Variants in RARS2 observed in about 807,000 individuals in gnomAD.
The protein encoded by RARS2 is probable arginine--tRNA ligase, mitochondrial.
In RARS2, 67 loss-of-function variants were observed where a neutral mutation model predicts 88.5. The ratio of observed to expected loss-of-function variants is 0.76; its 90% confidence interval spans 0.62 to 0.93. The LOEUF (loss-of-function observed/expected upper bound fraction) is 0.93. Among genes scored for constraint, RARS2 ranks in the 40% least tolerant of loss-of-function variants. RARS2 has a pLI of 0.00. For synonymous variants in RARS2, 239 were observed against 230.3 expected (o/e 1.04, Z -0.34); for missense variants, 664 against 684.2 (o/e 0.97, Z 0.33).
intron 12 of RARS2, 57 bp downstream of exon 12, chr6:87,521,407 C>G: frequency 5.9e-6 from 8 of 1,345,812 alleles, no homozygotes; most frequent in Non-Finnish European, 7.4e-6. Flanking sequence ...CATCCAATTT[C>G]TACCTCTGTA....
chr6:87,577,048 C>A (rs969225200), intron 1 of RARS2, among the ~76,000 whole-genome samples: 1 of 152,140 alleles, frequency 6.6e-6, no homozygotes, highest in Non-Finnish European at 1.5e-5. Context: ...AATTAATTGA[C>A]AACACAGGAA....
intron 1 of RARS2, among the ~76,000 whole-genome samples, chr6:87,588,251 G>A (rs1775754772): frequency 6.6e-6 from 1 of 152,136 alleles, no homozygotes; most frequent in African/African-American, 2.4e-5. Flanking sequence ...ACATTAACAT[G>A]AATTTATTAT....
intron 8 of RARS2, 101 bp downstream of exon 8, chr6:87,541,817 C>T: frequency 1.1e-6 from 1 of 903,868 alleles, no homozygotes; most frequent in South Asian, 1.4e-5. Flanking sequence ...GAGCGAGACC[C>T]TGTCTCAAAA....
At chr6:87,549,326 A>C (rs190006654) in intron 5 of RARS2, among the ~76,000 whole-genome samples, 2 of 152,006 alleles carry the variant, frequency 1.3e-5, no homozygotes, top group Non-Finnish European at 2.9e-5. Context: ...ATTGTACTCT[A>C]GTCTGGGTGA....
chr6:87,552,822 T>C (rs1253781589), intron 5 of RARS2, among the ~76,000 whole-genome samples: 1 of 152,180 alleles, frequency 6.6e-6, no homozygotes, highest in Non-Finnish European at 1.5e-5. Flanking sequence ...AACTTTATAA[T>C]GGCATTATTT....
At chr6:87,584,158 G>T (rs955396967) in intron 1 of RARS2, among the ~76,000 whole-genome samples, 1 of 152,190 alleles carries the variant, frequency 6.6e-6, no homozygotes, top group Non-Finnish European at 1.5e-5. Flanking sequence ...CTGTAACACA[G>T]TACACAGCTT....
intron 2 of RARS2, among the ~76,000 whole-genome samples, chr6:87,568,301 C>T (rs895639587): frequency 3.3e-5 from 5 of 152,138 alleles, no homozygotes; most frequent in African/African-American, 1.2e-4. Context: ...AGTTCAAGAC[C>T]ACCCTGGGCA....
chr6:87,540,741 G>T (rs1478925052), intron 8 of RARS2, among the ~76,000 whole-genome samples: 1 of 152,158 alleles, frequency 6.6e-6, no homozygotes, highest in East Asian at 1.9e-4. Flanking sequence ...CACATCCCTG[G>T]AGATTGTTTG....
chr6:87,514,634 G>C, intron 19 of RARS2, 135 bp from the exon 20 acceptor site: 2 of 797,068 alleles, frequency 2.5e-6, no homozygotes, highest in Non-Finnish European at 4.3e-6. Context: ...AGTTACTATA[G>C]GCAAGAGAAG....
At chr6:87,559,396 G>A (rs2128159063) in intron 4 of RARS2, among the ~76,000 whole-genome samples, 1 of 151,128 alleles carries the variant, frequency 6.6e-6, no homozygotes, top group African/African-American at 2.4e-5. Context: ...GAACCTGGGG[G>A]GCGGAGGTGG....
rs192807274 is a variant in RARS2 at position 87,557,317 on chromosome 6, T to C, written c.298-1812A>G. 2.7e-3 allele frequency among the ~76,000 whole-genome samples: 412 copies of C among 152,320 alleles called. 2 individuals carry two copies. Among genetic ancestry groups the C allele is most frequent in the Non-Finnish European group, 3.5e-3 (235 of 68,024 alleles). On this transcript the variant is annotated intron_variant, in intron 4 of 19. Transcript: ENST00000369536. The stretch of plus-strand genomic sequence containing the variant: ...TACAATATATAGACAGTATACAGAA[T>C]AGTGTCTGTCGTAAACTAGGGTCCC...
intron 6 of RARS2, among the ~76,000 whole-genome samples, chr6:87,547,877 T>C (rs1174636205): frequency 6.6e-6 from 1 of 152,076 alleles, no homozygotes; most frequent in East Asian, 1.9e-4. Flanking sequence ...TGACCTTAAA[T>C]GATCTGCCTG....
intron 8 of RARS2, among the ~76,000 whole-genome samples, chr6:87,540,412 TGCACTTCA>T: frequency 1.5e-5 from 2 of 134,038 alleles, no homozygotes; most frequent in Middle Eastern, 8.8e-3. Flanking sequence ...ATCACACCAT[TGCACTTCA>T]GCCTAGGCAA....
In RARS2 at chr6:87,518,908, C is replaced by T. The variant is rs749385331; in HGVS notation, c.1238-17G>A. 6.2e-7 allele frequency: 1 copy of T among 1,612,802 alleles called. No individual in the cohort carries two copies. On this transcript the variant is annotated splice_polypyrimidine_tract_variant and intron_variant, in intron 14 of 19. Transcript: ENST00000369536. ...CTTTAGTTGCTGAAACAGACAAAGG[C>T]AGCTATCTTTAGTCTACATGACACT... is the stretch of plus-strand genomic sequence containing the variant.
chr6:87,555,267 T>C, intron 5 of RARS2, 141 bp downstream of exon 5: 1 of 635,102 alleles, frequency 1.6e-6, no homozygotes, highest in East Asian at 2.8e-5. Flanking sequence ...TGATTCACTG[T>C]GATTTCAAGA....
chr6:87,576,527 C>T (rs528977925), intron 1 of RARS2, among the ~76,000 whole-genome samples: 13 of 148,008 alleles, frequency 8.8e-5, no homozygotes, highest in Non-Finnish European at 1.8e-4. Context: ...CCGCCCGCCT[C>T]GGCCTCCCAA....
intron 1 of RARS2, among the ~76,000 whole-genome samples, chr6:87,585,308 C>T (rs987826937): frequency 3.3e-5 from 5 of 152,262 alleles, no homozygotes; most frequent in Non-Finnish European, 7.4e-5. Context: ...CTTCATGAAG[C>T]TTATAGAGGA....
intron 2 of RARS2, among the ~76,000 whole-genome samples, chr6:87,564,833 G>A (rs1472694497): frequency 1.3e-5 from 2 of 151,882 alleles, no homozygotes; most frequent in African/African-American, 4.8e-5. Context: ...CGAGGCAAGT[G>A]GACCACTTAA....
chr6:87,568,440 C>T (rs1218978128), intron 2 of RARS2, among the ~76,000 whole-genome samples: 1 of 152,086 alleles, frequency 6.6e-6, no homozygotes. Context: ...TTTGAGGCAG[C>T]AGTGAGCCGA....
Sources: allele counts gnomAD v4.1 joint callset (sites outside exome capture counted in the v4.1 genomes callset), GRCh38; gene constraint gnomAD v4.1.1; transcripts MANE v1.5; gene names NCBI Gene and HGNC (gene_info 2026-07-23, HGNC 2026-07-21).